The following FOXP1 variants were observed in gnomAD, a reference collection of about 807,000 sequenced individuals.
FOXP1 encodes the protein forkhead box P1, also known as forkhead box protein P1.
FOXP1 carries 15 observed loss-of-function variants against 98.2 expected under a neutral mutation model. That is an observed-to-expected ratio of 0.15 (90% CI 0.10 to 0.24). The LOEUF is 0.24. Among genes scored for constraint, FOXP1 ranks in the 10% least tolerant of loss-of-function variants. FOXP1 has a pLI of 1.00. For synonymous variants in FOXP1, 371 were observed against 314.5 expected, an observed-to-expected ratio of 1.18 and a Z score of -1.90; for missense variants, 633 against 848.5, an observed-to-expected ratio of 0.75 and a Z score of 3.15.
intron 6 of FOXP1, among the ~76,000 whole-genome samples, chr3:71,156,037 T>C (rs2060806433): frequency 6.6e-6 from 1 of 152,182 alleles, no homozygotes; most frequent in African/African-American, 2.4e-5. Flanking sequence ...TTCTCACTGA[T>C]TGCCTGTCTG....
At chr3:71,152,636 C>T (rs963987893) in intron 6 of FOXP1, among the ~76,000 whole-genome samples, 23 of 152,070 alleles carry the variant, frequency 1.5e-4, no homozygotes, top group Admixed American at 5.9e-4. Flanking sequence ...CTTACTAGTT[C>T]TATGACCTTG....
At chr3:71,066,788 C>T (rs900241112) in intron 7 of FOXP1, among the ~76,000 whole-genome samples, 2 of 145,400 alleles carry the variant, frequency 1.4e-5, no homozygotes, top group Non-Finnish European at 2.9e-5. Flanking sequence ...CATGAGGCAT[C>T]CATAAAACTC....
intron 3 of FOXP1, among the ~76,000 whole-genome samples, chr3:71,461,160 C>A (rs1010106927): frequency 2.0e-5 from 3 of 152,022 alleles, no homozygotes; most frequent in East Asian, 3.9e-4. Flanking sequence ...TAAAATGGTG[C>A]CTAAAAGTTA....
At chr3:71,057,542 T>C (rs2050857051) in intron 7 of FOXP1, among the ~76,000 whole-genome samples, 1 of 151,734 alleles carries the variant, frequency 6.6e-6, no homozygotes, top group Non-Finnish European at 1.5e-5. Context: ...GTATGTTTTA[T>C]GAGTTAACAA....
intron 5 of FOXP1, among the ~76,000 whole-genome samples, chr3:71,222,858 T>C (rs2065506050): frequency 6.6e-6 from 1 of 152,216 alleles, no homozygotes; most frequent in South Asian, 2.1e-4. Flanking sequence ...CTTAAGTTCA[T>C]CAGGCTCCCA....
chr3:71,057,879 T>A (rs1488294879), intron 7 of FOXP1, among the ~76,000 whole-genome samples: 2 of 152,160 alleles, frequency 1.3e-5, no homozygotes, highest in Non-Finnish European at 2.9e-5. Flanking sequence ...GCTACCTTAA[T>A]ACCAGCAACT....
chr3:71,313,024 G>A (rs1226730465), intron 4 of FOXP1, among the ~76,000 whole-genome samples: 1 of 145,072 alleles, frequency 6.9e-6, no homozygotes, highest in Non-Finnish European at 1.5e-5. Context: ...GAATGTCTTT[G>A]TACAATTGCA....
intron 3 of FOXP1, among the ~76,000 whole-genome samples, chr3:71,452,476 G>A (rs550369396): frequency 6.6e-6 from 1 of 152,250 alleles, no homozygotes; most frequent in South Asian, 2.1e-4. Flanking sequence ...GGACAATTTG[G>A]AACTGGCAAA....
chr3:71,129,364 A>G (rs1449371465), intron 6 of FOXP1, among the ~76,000 whole-genome samples: 3 of 152,232 alleles, frequency 2.0e-5, no homozygotes, highest in Non-Finnish European at 4.4e-5. Context: ...GCACACACAC[A>G]TACATACAAT....
chr3:71,133,867 C>T (rs960641397), intron 6 of FOXP1, among the ~76,000 whole-genome samples: 3 of 151,904 alleles, frequency 2.0e-5, no homozygotes, highest in African/African-American at 4.8e-5. Context: ...CAAAAAAACA[C>T]TTTATATGTC....
intron 3 of FOXP1, among the ~76,000 whole-genome samples, chr3:71,379,892 A>G (rs2080010939): frequency 6.6e-6 from 1 of 152,222 alleles, no homozygotes; most frequent in Non-Finnish European, 1.5e-5. Flanking sequence ...ACTTTAGGTA[A>G]TCATCTAGCT....
rs2107156420 is a variant in FOXP1, at chr3:70,970,775, G to A, written c.1683C>T (p.Ser561=). The part of the protein sequence containing the change: ...GNPSLIKNMQ[S]SHAYCTPLNA... ...TGAGAGGTGTGCAGTAGGCGTGGCT[G>A]CTCTGCATGTTTTTAATAAGGGAAG... Residue 561 remains serine, a synonymous_variant, in exon 19 of 21, where the codon AGC becomes AGT. Transcript: ENST00000649528. 6.2e-7 allele frequency: 1 copy of A among 1,613,966 alleles called. No individual in the cohort carries two copies. Among genetic ancestry groups the A allele is most frequent in the Non-Finnish European group, 8.5e-7 (1 of 1,179,826 alleles).
At chr3:71,510,081 T>C (rs2042092135) in intron 2 of FOXP1, among the ~76,000 whole-genome samples, 1 of 152,078 alleles carries the variant, frequency 6.6e-6, no homozygotes, top group Non-Finnish European at 1.5e-5. Context: ...CCAGGGAGGC[T>C]GAGGCAGGAG....
chr3:71,276,955 CT>C (rs34014285), intron 5 of FOXP1, among the ~76,000 whole-genome samples: 20,008 of 129,350 alleles, frequency 0.15, 1,538 homozygotes, highest in African/African-American at 0.21. Flanking sequence ...AGTAGATCAA[CT>C]TTTTTTTTTT....
chr3:71,262,063 C>G (rs771516905), intron 5 of FOXP1, among the ~76,000 whole-genome samples: 13 of 151,704 alleles, frequency 8.6e-5, no homozygotes, highest in Non-Finnish European at 1.6e-4. Flanking sequence ...GTCAGGAGTT[C>G]AAGACCAGCC....
At chr3:71,499,583 T>C (rs775920801) in intron 2 of FOXP1, among the ~76,000 whole-genome samples, 2 of 152,226 alleles carry the variant, frequency 1.3e-5, no homozygotes, top group Non-Finnish European at 1.5e-5. Context: ...TCATGGAGTT[T>C]GCATGGATGT....
chr3:71,548,358 G>C (rs567953747), intron 2 of FOXP1, among the ~76,000 whole-genome samples: 1 of 152,260 alleles, frequency 6.6e-6, no homozygotes, highest in African/African-American at 2.4e-5. Flanking sequence ...CCTCATAACA[G>C]TCTAGCATAA....
chr3:71,523,391 C>T (rs2043135093), intron 2 of FOXP1, among the ~76,000 whole-genome samples: 1 of 152,098 alleles, frequency 6.6e-6, no homozygotes, highest in Non-Finnish European at 1.5e-5. Context: ...GGGGATGGGC[C>T]CCACTGCTGA....
intron 17 of FOXP1, among the ~76,000 whole-genome samples, chr3:70,975,925 A>G (rs6781897): frequency 0.53 from 80,753 of 152,054 alleles, 24,654 homozygotes; most frequent in East Asian, 0.94. Context: ...CCCAAGCACT[A>G]CTGGGGGCAT....
Sources: allele counts gnomAD v4.1 joint callset (sites outside exome capture counted in the v4.1 genomes callset), GRCh38; gene constraint gnomAD v4.1.1; transcripts MANE v1.5; gene names NCBI Gene and HGNC (gene_info 2026-07-23, HGNC 2026-07-21).